Variants in ADGRG7 observed in about 807,000 individuals in gnomAD.
ADGRG7 encodes the protein adhesion G protein-coupled receptor G7.
Under a neutral mutation model 88.6 loss-of-function variants are expected in ADGRG7, and 82 were observed. That is an observed-to-expected ratio of 0.93 (90% CI 0.77 to 1.11). The LOEUF (loss-of-function observed/expected upper bound fraction) is 1.11, where lower values mean the gene tolerates loss of function less well. Ranked by LOEUF, ADGRG7 falls within the 50% of genes most tolerant of loss-of-function variation. The pLI, the probability that ADGRG7 is intolerant of heterozygous loss-of-function variation, is 0.00. For synonymous variants in ADGRG7, 381 were observed against 345.2 expected (o/e 1.10, Z -1.15); for missense variants, 945 against 953.4 (o/e 0.99, Z 0.12).
At chr3:100,646,255 T>C (rs897617442) in intron 9 of ADGRG7, 147 bp downstream of exon 9, 3 of 707,600 alleles carry the variant, frequency 4.2e-6, no homozygotes, top group East Asian at 2.7e-5. Context: ...ATAATAAAAA[T>C]TCAGACCACT....
intron 1 of ADGRG7, among the ~76,000 whole-genome samples, chr3:100,620,606 A>C (rs970046918): frequency 6.6e-6 from 1 of 152,198 alleles, no homozygotes; most frequent in Admixed American, 6.6e-5. Flanking sequence ...TTAGAAAAAT[A>C]ATATTTTCAA....
chr3:100,637,464 A>C, intron 6 of ADGRG7, 62 bp downstream of exon 6: 1 of 1,056,158 alleles, frequency 9.5e-7, no homozygotes. Flanking sequence ...TCCTAGGCTA[A>C]AGTATTAACA....
At position 100,689,112 on chromosome 3, in the gene ADGRG7, A is replaced by T. The variant is rs140881224; in HGVS notation, c.2137-5632A>T. Among the ~76,000 whole-genome samples the T allele has an allele frequency of 5.8e-3, 889 of 152,234 alleles. 5 individuals are homozygous for T. Among genetic ancestry groups the T allele is most frequent in the East Asian group, 0.023 (118 of 5,168 alleles). Reference sequence around the variant, plus strand: ...ATAGTTAGCTCTTCTTGTTGAATTGATCCCTTTACCATTATGTAATGGCCT... The same window carrying T: ...ATAGTTAGCTCTTCTTGTTGAATTGTTCCCTTTACCATTATGTAATGGCCT... On this transcript the variant is annotated intron_variant, in intron 15 of 15. Coordinates refer to ENST00000273352, the MANE Select transcript of ADGRG7 (RefSeq NM_032787.3).
intron 15 of ADGRG7, among the ~76,000 whole-genome samples, chr3:100,684,046 A>G (rs2094978052): frequency 6.6e-6 from 1 of 152,188 alleles, no homozygotes; most frequent in Non-Finnish European, 1.5e-5. Context: ...CAATATAACA[A>G]GTCTCTCAGT....
intron 15 of ADGRG7, among the ~76,000 whole-genome samples, chr3:100,679,833 G>A (rs2094970683): frequency 6.6e-6 from 1 of 152,150 alleles, no homozygotes; most frequent in African/African-American, 2.4e-5. Context: ...AGTTATTGCT[G>A]AAGCTTAGAC....
chr3:100,688,653 A>G (rs1036446667), intron 15 of ADGRG7, among the ~76,000 whole-genome samples: 21 of 152,222 alleles, frequency 1.4e-4, no homozygotes, highest in Non-Finnish European at 7.4e-5. Flanking sequence ...TCATTCAGGA[A>G]CGGGTTGTTC....
chr3:100,614,163 T>G (rs1002118020), intron 1 of ADGRG7, among the ~76,000 whole-genome samples: 1 of 152,232 alleles, frequency 6.6e-6, no homozygotes, highest in Non-Finnish European at 1.5e-5. Flanking sequence ...GGTTTATACC[T>G]TGAATAGATA....
chr3:100,622,683 A>T (rs1352347637), intron 1 of ADGRG7, among the ~76,000 whole-genome samples: 1 of 152,146 alleles, frequency 6.6e-6, no homozygotes, highest in Non-Finnish European at 1.5e-5. Context: ...TCTAATTTAC[A>T]CTTTTGGATA....
At chr3:100,675,368 T>G (rs1347278037) in intron 15 of ADGRG7, among the ~76,000 whole-genome samples, 3 of 152,242 alleles carry the variant, frequency 2.0e-5, no homozygotes, top group Non-Finnish European at 4.4e-5. Flanking sequence ...GGTTTTGTCC[T>G]TCATTGTGTT....
chr3:100,641,318 T>G (rs1047150867), intron 6 of ADGRG7, among the ~76,000 whole-genome samples: 1 of 152,248 alleles, frequency 6.6e-6, no homozygotes, highest in Non-Finnish European at 1.5e-5. Flanking sequence ...TATATAAGGC[T>G]TATAGTAATG....
Position 100,649,773 on chromosome 3 carries a change from C to T in ADGRG7, c.1345C>T (p.Leu449=). 4 of 1,608,348 alleles carry T rather than the reference C, an allele frequency of 2.5e-6. No homozygotes were observed. Among genetic ancestry groups the T allele is most frequent in the Non-Finnish European group, 2.6e-6 (3 of 1,175,336 alleles). The part of the protein sequence containing the change: ...NVGCALSVTG[L]ALTVIFQIVT... ...TGGATGTGCACTGTCTGTTACTGGT[C>T]TGGCTCTCACAGTTATATTTCAGAT... Residue 449 remains leucine (L), a synonymous_variant, in exon 11 of 16, where the codon CTG becomes TTG. Transcript: ENST00000273352.
chr3:100,686,461 C>T (rs1371962927), intron 15 of ADGRG7, among the ~76,000 whole-genome samples: 2 of 152,174 alleles, frequency 1.3e-5, no homozygotes, highest in Admixed American at 1.3e-4. Context: ...ATGCCTATGT[C>T]CTGAACGATA....
At chr3:100,635,855 T>C in intron 5 of ADGRG7, 29 bp downstream of exon 5, 4 of 1,490,010 alleles carry the variant, frequency 2.7e-6, no homozygotes, top group Non-Finnish European at 3.6e-6. Flanking sequence ...TAAAAAAAAT[T>C]TTTTTTTTAT....
intron 14 of ADGRG7, chr3:100,665,292 T>G: frequency 1.8e-6 from 1 of 540,732 alleles, no homozygotes; most frequent in South Asian, 1.4e-5. Flanking sequence ...AGGTTGTCGT[T>G]CAGGTAGTTC....
At chr3:100,671,796 C>T (rs1366053679) in intron 15 of ADGRG7, among the ~76,000 whole-genome samples, 2 of 152,116 alleles carry the variant, frequency 1.3e-5, no homozygotes, top group African/African-American at 2.4e-5. Flanking sequence ...TTCCCAGCAC[C>T]ATTTATTAAA....
intron 12 of ADGRG7, 112 bp downstream of exon 12, chr3:100,655,293 T>A: frequency 1.4e-6 from 1 of 705,474 alleles, no homozygotes; most frequent in Non-Finnish European, 2.3e-6. Flanking sequence ...TAAGAGGAGA[T>A]AGAAAATATA....
intron 14 of ADGRG7, among the ~76,000 whole-genome samples, chr3:100,663,313 A>C (rs1235204555): frequency 6.6e-6 from 1 of 152,114 alleles, no homozygotes; most frequent in Non-Finnish European, 1.5e-5. Context: ...CCTAAACCTC[A>C]TTTCCTTCAT....
rs762237901 is a variant in ADGRG7 at position 100,629,641 on chromosome 3, G to C, written c.159G>C (p.Arg53Ser). Residue 53 changes from arginine (R) to serine (S), a missense_variant, in exon 2 of 16, where the codon AGG becomes AGC. Coordinates refer to ENST00000273352, the MANE Select transcript of ADGRG7 (RefSeq NM_032787.3). Reference sequence around the variant, plus strand: ...CAAGCACCCCTACAGAGTTCTGCAGGAATGGTGGAACCTGGGAAAATGGCA... The same window carrying C: ...CAAGCACCCCTACAGAGTTCTGCAGCAATGGTGGAACCTGGGAAAATGGCA... ...SSSSTPTEFCRNGGTWENGRC... is the reference protein window; with the variant it reads ...SSSSTPTEFCSNGGTWENGRC... The C allele has an allele frequency of 3.1e-6, 5 of 1,613,270 alleles. No individual in the cohort carries two copies. The highest frequency in any genetic ancestry group is 4.2e-6 in the Non-Finnish European group (5 of 1,179,514).
intron 6 of ADGRG7, among the ~76,000 whole-genome samples, chr3:100,639,857 A>G (rs756772680): frequency 1.3e-5 from 2 of 152,242 alleles, no homozygotes; most frequent in Non-Finnish European, 2.9e-5. Context: ...ACAATATCCA[A>G]ATAGTTTTAA....
Sources: allele counts gnomAD v4.1 joint callset (sites outside exome capture counted in the v4.1 genomes callset), GRCh38; gene constraint gnomAD v4.1.1; transcripts MANE v1.5; gene names NCBI Gene and HGNC (gene_info 2026-07-23, HGNC 2026-07-21).